Variants in BTRC observed in about 807,000 individuals in gnomAD.
BTRC encodes the protein F-box/WD repeat-containing protein 1A.
Under a neutral mutation model 85.5 loss-of-function variants are expected in BTRC, and 42 were observed. The ratio of observed to expected loss-of-function variants is 0.49; its 90% CI spans 0.38 to 0.64. BTRC has a LOEUF of 0.64. Ranked by LOEUF, BTRC falls within the 30% of genes least tolerant of loss-of-function variation. The pLI is 0.00. For synonymous variants in BTRC, 255 were observed against 263.3 expected, an observed-to-expected ratio of 0.97 and a Z score of 0.30; for missense variants, 594 against 743.5, an observed-to-expected ratio of 0.80 and a Z score of 2.34.
intron 1 of BTRC, among the ~76,000 whole-genome samples, chr10:101,422,096 A>G (rs1399254189): frequency 2.0e-5 from 3 of 152,160 alleles, no homozygotes; most frequent in African/African-American, 7.2e-5. Context: ...CAACAGTGTA[A>G]AAGTGTTCCT....
At chr10:101,397,573 TG>T (rs1184531957) in intron 1 of BTRC, among the ~76,000 whole-genome samples, 1 of 152,228 alleles carries the variant, frequency 6.6e-6, no homozygotes, top group African/African-American at 2.4e-5. Context: ...GTAATAACTA[TG>T]AAAAGCTTGT....
intron 4 of BTRC, among the ~76,000 whole-genome samples, chr10:101,521,053 A>G (rs2062097165): frequency 6.6e-6 from 1 of 152,152 alleles, no homozygotes; most frequent in Non-Finnish European, 1.5e-5. Flanking sequence ...AAATTGCTTG[A>G]AGCCAGGAGT....
intron 4 of BTRC, among the ~76,000 whole-genome samples, chr10:101,501,562 C>G (rs1018581742): frequency 3.3e-5 from 5 of 152,148 alleles, no homozygotes; most frequent in Non-Finnish European, 5.9e-5. Context: ...CATCAAAGTT[C>G]AGTATGTATT....
chr10:101,389,836 C>T (rs1202119925), intron 1 of BTRC, among the ~76,000 whole-genome samples: 2 of 151,802 alleles, frequency 1.3e-5, no homozygotes, highest in African/African-American at 4.8e-5. Flanking sequence ...TGTTGCCCAG[C>T]CTGGTCTTGA....
chr10:101,489,016 C>A (rs1030074570), intron 4 of BTRC, among the ~76,000 whole-genome samples: 1 of 152,060 alleles, frequency 6.6e-6, no homozygotes, highest in African/African-American at 2.4e-5. Context: ...TAATATTATG[C>A]CTCTACTTAA....
chr10:101,539,362 A>G (rs1248386939), intron 13 of BTRC, among the ~76,000 whole-genome samples: 1 of 152,190 alleles, frequency 6.6e-6, no homozygotes, highest in Non-Finnish European at 1.5e-5. Flanking sequence ...AGTGTTCTAA[A>G]TCCTGACTGT....
In BTRC at chr10:101,377,708, T is replaced by C. The variant is rs147048965; in HGVS notation, c.48+23480T>C. 8.4e-4 allele frequency among the ~76,000 whole-genome samples: 128 copies of C among 152,342 alleles called. 2 individuals are homozygous for C. Among genetic ancestry groups the C allele is most frequent in the African/African-American group, 3.0e-3 (126 of 41,592 alleles). The stretch of plus-strand genomic sequence containing the variant: ...GGTCATGAGAACAAAATATTTGATA[T>C]GCCTAACTTTAACATTCTATGAAAG... On this transcript the variant is annotated intron_variant, in intron 1 of 14. Coordinates refer to ENST00000370187, the MANE Select transcript of BTRC (RefSeq NM_033637.4).
At chr10:101,499,407 A>G (rs1291068116) in intron 4 of BTRC, among the ~76,000 whole-genome samples, 3 of 152,004 alleles carry the variant, frequency 2.0e-5, no homozygotes, top group Admixed American at 6.5e-5. Flanking sequence ...TTGTATTTTT[A>G]GTAGAGGTGG....
intron 1 of BTRC, among the ~76,000 whole-genome samples, chr10:101,404,280 T>G (rs1321049619): frequency 6.6e-6 from 1 of 151,808 alleles, no homozygotes; most frequent in Admixed American, 6.6e-5. Flanking sequence ...TCCGCCCTCC[T>G]CGGCCTCCCA....
intron 1 of BTRC, among the ~76,000 whole-genome samples, chr10:101,428,646 C>T (rs1369317068): frequency 6.6e-6 from 1 of 152,172 alleles, no homozygotes; most frequent in Non-Finnish European, 1.5e-5. Context: ...CCCTACTTCC[C>T]TACTTTGTAA....
At chr10:101,416,426 A>G (rs776649452) in intron 1 of BTRC, among the ~76,000 whole-genome samples, 1 of 152,144 alleles carries the variant, frequency 6.6e-6, no homozygotes, top group Non-Finnish European at 1.5e-5. Context: ...CATTCTTCAC[A>G]GGGTGTTGAA....
At chr10:101,505,997 C>G (rs998001872) in intron 4 of BTRC, among the ~76,000 whole-genome samples, 1 of 152,038 alleles carries the variant, frequency 6.6e-6, no homozygotes, top group African/African-American at 2.4e-5. Context: ...TCACTGCAAC[C>G]TCCGCCTCCA....
intron 2 of BTRC, among the ~76,000 whole-genome samples, chr10:101,432,858 A>G (rs1053623388): frequency 5.3e-5 from 8 of 152,158 alleles, no homozygotes; most frequent in East Asian, 3.9e-4. Flanking sequence ...GTGTGTGACA[A>G]TACTCACAGA....
chr10:101,436,231 T>C (rs913054003), intron 2 of BTRC, among the ~76,000 whole-genome samples: 1 of 152,194 alleles, frequency 6.6e-6, no homozygotes, highest in Admixed American at 6.5e-5. Flanking sequence ...TCCTATAATC[T>C]ATAATATTAA....
chr10:101,433,427 A>G (rs996395124), intron 2 of BTRC, among the ~76,000 whole-genome samples: 9 of 152,174 alleles, frequency 5.9e-5, no homozygotes, highest in Admixed American at 5.2e-4. Context: ...AGATCAGGTA[A>G]TCAATGTTTA....
intron 13 of BTRC, among the ~76,000 whole-genome samples, chr10:101,549,713 CAAAAAAA>C (rs755481178): frequency 1.9e-4 from 8 of 42,762 alleles, no homozygotes; most frequent in East Asian, 2.5e-3. Context: ...GACTCTGTCT[CAAAAAAA>C]AAAAAAAAAA....
chr10:101,484,522 C>T (rs564871311), intron 4 of BTRC, among the ~76,000 whole-genome samples: 1 of 152,344 alleles, frequency 6.6e-6, no homozygotes, highest in Admixed American at 6.5e-5. Flanking sequence ...CAGACGTTTG[C>T]ACTTCCTCTG....
chr10:101,381,709 C>A (rs546157049), intron 1 of BTRC, among the ~76,000 whole-genome samples: 1 of 152,104 alleles, frequency 6.6e-6, no homozygotes, highest in South Asian at 2.1e-4. Context: ...ACTCATATAT[C>A]CCTCACCTGA....
intron 1 of BTRC, among the ~76,000 whole-genome samples, chr10:101,417,827 C>A (rs192516553): frequency 5.9e-5 from 9 of 152,190 alleles, no homozygotes; most frequent in Non-Finnish European, 1.2e-4. Flanking sequence ...TGCGTGTCAC[C>A]ATGGCTTCTT....
Sources: allele counts gnomAD v4.1 joint callset (sites outside exome capture counted in the v4.1 genomes callset), GRCh38; gene constraint gnomAD v4.1.1; transcripts MANE v1.5; gene names NCBI Gene and HGNC (gene_info 2026-07-23, HGNC 2026-07-21).